CELF4: variants seen among roughly 807,000 people sequenced by gnomAD.
CELF4 encodes the protein CUGBP Elav-like family member 4, also known as CUG-BP- and ETR-3-like factor 4.
A neutral mutation model predicts 59.9 loss-of-function variants in CELF4; 18 were observed. The observed-to-expected ratio is 0.30, with a 90% confidence interval of 0.21 to 0.45. The LOEUF (loss-of-function observed/expected upper bound fraction) is 0.45, where lower values mean the gene tolerates loss of function less well. CELF4 is among the 20% of genes least tolerant of loss of function. The pLI, the probability that CELF4 is intolerant of heterozygous loss-of-function variation, is 1.00. For synonymous variants in CELF4, 261 were observed against 267.1 expected (o/e 0.98, Z 0.22); for missense variants, 456 against 689.0 (o/e 0.66, Z 3.79).
At chr18:37,425,729 A>C (rs759248454) in intron 2 of CELF4, among the ~76,000 whole-genome samples, 6 of 152,256 alleles carry the variant, frequency 3.9e-5, no homozygotes, top group Non-Finnish European at 7.3e-5. Context: ...CCCCTGGCAC[A>C]GACTTGACCT....
chr18:37,278,969 G>T (rs2093759149), intron 3 of CELF4, among the ~76,000 whole-genome samples: 1 of 152,182 alleles, frequency 6.6e-6, no homozygotes, highest in Admixed American at 6.5e-5. Context: ...CTGGTGTCTT[G>T]GGTCTGATGC....
At chr18:37,348,339 C>G (rs570346100) in intron 2 of CELF4, among the ~76,000 whole-genome samples, 1 of 152,266 alleles carries the variant, frequency 6.6e-6, no homozygotes, top group Non-Finnish European at 1.5e-5. Context: ...TCCCAGCTTA[C>G]CCAGAAAGAA....
intron 1 of CELF4, among the ~76,000 whole-genome samples, chr18:37,558,565 T>TG (rs372382156): frequency 0.41 from 31,654 of 77,328 alleles, 4,470 homozygotes; most frequent in Middle Eastern, 0.56. Context: ...GGGGGGCGGG[T>TG]GGGGGGGGCT....
intron 1 of CELF4, among the ~76,000 whole-genome samples, chr18:37,562,268 C>T (rs1323429068): frequency 6.6e-6 from 1 of 152,152 alleles, no homozygotes; most frequent in East Asian, 1.9e-4. Flanking sequence ...TTCCATTAAC[C>T]CTTAGAACTC....
intron 1 of CELF4, among the ~76,000 whole-genome samples, chr18:37,509,587 C>T (rs1478817064): frequency 1.3e-5 from 2 of 152,228 alleles, no homozygotes; most frequent in Non-Finnish European, 2.9e-5. Flanking sequence ...GACCTTGAGA[C>T]AGACAAGTCA....
chr18:37,286,172 A>G (rs1056958341), intron 3 of CELF4, among the ~76,000 whole-genome samples: 3 of 152,148 alleles, frequency 2.0e-5, no homozygotes, highest in Non-Finnish European at 2.9e-5. Flanking sequence ...GGAGAGACCA[A>G]GGAATGGTGT....
intron 2 of CELF4, among the ~76,000 whole-genome samples, chr18:37,361,062 C>A (rs1455433782): frequency 6.6e-6 from 1 of 152,046 alleles, no homozygotes; most frequent in Non-Finnish European, 1.5e-5. Flanking sequence ...ATGTTGGGGC[C>A]CCCAGCAATG....
chr18:37,464,165 A>C (rs2099801488), intron 2 of CELF4, among the ~76,000 whole-genome samples: 1 of 152,246 alleles, frequency 6.6e-6, no homozygotes. Context: ...AGTTTCATGC[A>C]TAAACCTCTG....
intron 2 of CELF4, among the ~76,000 whole-genome samples, chr18:37,342,165 G>A (rs1040485072): frequency 6.6e-6 from 1 of 151,830 alleles, no homozygotes; most frequent in Non-Finnish European, 1.5e-5. Flanking sequence ...TGGCAATTGT[G>A]TCCTGGTAGG....
intron 2 of CELF4, among the ~76,000 whole-genome samples, chr18:37,462,919 C>T (rs2027754): frequency 0.64 from 97,787 of 151,796 alleles, 32,757 homozygotes; most frequent in South Asian, 0.79. Flanking sequence ...AGATTGGGCA[C>T]CCTTGTTTTA....
intron 2 of CELF4, among the ~76,000 whole-genome samples, chr18:37,353,058 A>G (rs1001482380): frequency 5.9e-5 from 9 of 151,676 alleles, no homozygotes; most frequent in Admixed American, 2.0e-4. Context: ...TGTCTCTACT[A>G]AAAATACAAA....
At position 37,253,706 on chromosome 18, in the gene CELF4, C is replaced by A. The variant is rs982914724; in HGVS notation, c.*44+61G>T. On this transcript the variant is annotated intron_variant, in intron 12 of 12. Transcript: ENST00000420428. This position sits in a 1 kb window ranked among gnomAD's most constrained non-coding sequence, Gnocchi z 4.5. ...TCCGGCCCACGGAGGCCGGAGGAGG[C>A]GGCGGGTCCGTCTGGTTCCCTCCCA... 7.6e-7 allele frequency: 1 copy of A among 1,309,428 alleles called. No individual in the cohort carries two copies. Among genetic ancestry groups the A allele is most frequent in the Non-Finnish European group, 1.0e-6 (1 of 980,764 alleles). The allele number at this position is 1,309,428 out of a possible 1,614,324, so 81.1% of individuals were successfully genotyped here.
intron 2 of CELF4, among the ~76,000 whole-genome samples, chr18:37,332,520 T>C (rs1007870313): frequency 4.6e-5 from 7 of 152,086 alleles, no homozygotes; most frequent in African/African-American, 1.7e-4. Context: ...CCCATCCCTC[T>C]CCGAGCCTCC....
At chr18:37,430,020 C>T (rs1201053810) in intron 2 of CELF4, among the ~76,000 whole-genome samples, 1 of 152,234 alleles carries the variant, frequency 6.6e-6, no homozygotes, top group African/African-American at 2.4e-5. Context: ...CCCTTTGTCT[C>T]AGGCACCTCC....
chr18:37,321,762 G>C, intron 3 of CELF4, 41 bp downstream of exon 3: 1 of 1,430,296 alleles, frequency 7.0e-7, no homozygotes, highest in Non-Finnish European at 9.8e-7. Context: ...AGGGAGGAGT[G>C]AGAGGGGGAG....
At chr18:37,311,459 G>T (rs1348044904) in intron 3 of CELF4, among the ~76,000 whole-genome samples, 2 of 152,144 alleles carry the variant, frequency 1.3e-5, no homozygotes, top group Admixed American at 1.3e-4. Context: ...TTTACAAAGG[G>T]GCTTAAGAAA....
intron 1 of CELF4, among the ~76,000 whole-genome samples, chr18:37,524,218 T>C (rs2099960886): frequency 6.6e-6 from 1 of 152,130 alleles, no homozygotes; most frequent in Non-Finnish European, 1.5e-5. Flanking sequence ...GGACCAGATA[T>C]CCACCTCGGG....
At chr18:37,362,154 C>G (rs2098713766) in intron 2 of CELF4, among the ~76,000 whole-genome samples, 1 of 152,108 alleles carries the variant, frequency 6.6e-6, no homozygotes, top group Non-Finnish European at 1.5e-5. Context: ...ACCCTGACCC[C>G]CAGGGACAAG....
chr18:37,372,789 T>C (rs1052107245), intron 2 of CELF4, among the ~76,000 whole-genome samples: 1 of 152,022 alleles, frequency 6.6e-6, no homozygotes, highest in Admixed American at 6.6e-5. Context: ...CCAGATAAGA[T>C]ACTGATTATT....
Sources: allele counts gnomAD v4.1 joint callset (sites outside exome capture counted in the v4.1 genomes callset), GRCh38; gene constraint gnomAD v4.1.1; non-coding constraint Gnocchi (gnomAD v3.1); transcripts MANE v1.5; gene names NCBI Gene and HGNC (gene_info 2026-07-23, HGNC 2026-07-21).